PDE1A: variants seen among roughly 807,000 people sequenced by gnomAD.
PDE1A encodes phosphodiesterase 1A.
A neutral mutation model predicts 61.7 loss-of-function variants in PDE1A; 35 were observed. The observed-to-expected ratio is 0.57, with a 90% CI of 0.43 to 0.75. The LOEUF (loss-of-function observed/expected upper bound fraction) is 0.75, where lower values mean the gene tolerates loss of function less well. Among genes scored for constraint, PDE1A ranks in the 30% least tolerant of loss-of-function variants. The pLI is 0.00. For missense variants in PDE1A, 597 were observed against 630.6 expected, an observed-to-expected ratio of 0.95 and a Z score of 0.57; for synonymous variants, 232 against 213.2, an observed-to-expected ratio of 1.09 and a Z score of -0.77.
At chr2:182,685,102 T>A in the PDE1A span, among the ~76,000 whole-genome samples, 1 of 150,230 alleles carries the variant, frequency 6.7e-6, no homozygotes, top group Non-Finnish European at 1.5e-5. Context: ...ATATAACATA[T>A]ACATATATAT....
intron 2 of PDE1A, among the ~76,000 whole-genome samples, chr2:182,437,812 T>G (rs1033847425): frequency 6.6e-6 from 1 of 151,942 alleles, no homozygotes; most frequent in African/African-American, 2.4e-5. Flanking sequence ...CTCTTTTCTT[T>G]TGCTCTGTTT....
In PDE1A at chr2:182,191,247, G is replaced by A. The variant is rs767686763; in HGVS notation, c.1126-2187C>T. ...AGGATGACTCCTTGGCTTCCAGTGC[G>A]AATGGAAAGGAGGAGTCTGTTGATG... On this transcript the variant is annotated intron_variant, in intron 10 of 13. Coordinates refer to ENST00000351439, the Ensembl canonical transcript of PDE1A. 7.2e-5 allele frequency among the ~76,000 whole-genome samples: 11 copies of A among 152,082 alleles called. 1 individual carries two copies. Among genetic ancestry groups the A allele is most frequent in the East Asian group, 1.9e-4 (1 of 5,182 alleles).
At chr2:182,179,947 A>G (rs1167559719) in intron 13 of PDE1A, among the ~76,000 whole-genome samples, 1 of 152,224 alleles carries the variant, frequency 6.6e-6, no homozygotes, top group Non-Finnish European at 1.5e-5. Flanking sequence ...TTAAGGGTTA[A>G]TATGATGATG....
intron 1 of PDE1A, among the ~76,000 whole-genome samples, chr2:182,413,269 C>A (rs1188529954): frequency 6.6e-6 from 1 of 152,088 alleles, no homozygotes; most frequent in Admixed American, 6.6e-5. Flanking sequence ...GTGACATAAC[C>A]ATGACAAAGT....
chr2:182,399,840 T>C (rs1365294318), intron 1 of PDE1A, among the ~76,000 whole-genome samples: 3 of 152,078 alleles, frequency 2.0e-5, no homozygotes, highest in Non-Finnish European at 4.4e-5. Flanking sequence ...TGGCAATCAT[T>C]AAGATTGTTT....
At chr2:182,316,843 G>T (rs1696368236) in intron 1 of PDE1A, among the ~76,000 whole-genome samples, 1 of 152,106 alleles carries the variant, frequency 6.6e-6, no homozygotes, top group South Asian at 2.1e-4. Flanking sequence ...GTCTCATTTG[G>T]ATATGTGTTG....
the PDE1A span, among the ~76,000 whole-genome samples, chr2:182,616,243 G>C: frequency 6.6e-6 from 1 of 152,158 alleles, no homozygotes; most frequent in African/African-American, 2.4e-5. Context: ...TATGGCAAAA[G>C]TTCAACACTA....
At chr2:182,670,021 A>G in the PDE1A span, among the ~76,000 whole-genome samples, 1 of 152,230 alleles carries the variant, frequency 6.6e-6, no homozygotes, top group African/African-American at 2.4e-5. Flanking sequence ...AAAATGCTAT[A>G]TAAACCACAT....
chr2:182,272,415 T>G (rs1693095293), intron 1 of PDE1A, among the ~76,000 whole-genome samples: 1 of 152,194 alleles, frequency 6.6e-6, no homozygotes, highest in Admixed American at 6.5e-5. Context: ...GCAGATGGTC[T>G]TAGGTCTGAC....
intron 10 of PDE1A, among the ~76,000 whole-genome samples, chr2:182,192,459 T>C (rs1432104964): frequency 2.0e-5 from 3 of 152,228 alleles, no homozygotes; most frequent in African/African-American, 7.2e-5. Flanking sequence ...AGGTAAACTA[T>C]GAAGGAACTA....
the PDE1A span, among the ~76,000 whole-genome samples, chr2:182,561,989 A>G: frequency 6.6e-6 from 1 of 151,940 alleles, no homozygotes; most frequent in Non-Finnish European, 1.5e-5. Flanking sequence ...ATATACAATC[A>G]TGTCGTCTGC....
chr2:182,491,287 A>G (rs570800709), intron 2 of PDE1A, among the ~76,000 whole-genome samples: 2 of 152,338 alleles, frequency 1.3e-5, no homozygotes, highest in Non-Finnish European at 2.9e-5. Context: ...TTAACCAGGA[A>G]TAAGATTTTT....
exon 1 of PDE1A, chr2:182,426,754 C>T: frequency 6.6e-7 from 1 of 1,525,130 alleles, no homozygotes; most frequent in Non-Finnish European, 8.8e-7. Context: ...TTTCCTCTTT[C>T]TCTTTTTGGG....
intron 2 of PDE1A, among the ~76,000 whole-genome samples, chr2:182,506,781 T>A (rs2125932829): frequency 6.6e-6 from 1 of 152,336 alleles, no homozygotes; most frequent in East Asian, 1.9e-4. Flanking sequence ...ATGCCCTGTA[T>A]GACCTGTTGT....
At chr2:182,703,444 GGGA>G in the PDE1A span, among the ~76,000 whole-genome samples, 1 of 152,176 alleles carries the variant, frequency 6.6e-6, no homozygotes, top group Non-Finnish European at 1.5e-5. Context: ...ATAAGGGAAA[GGGA>G]GAAGAATCCT....
intron 2 of PDE1A, among the ~76,000 whole-genome samples, chr2:182,482,698 A>G (rs1687779347): frequency 2.0e-5 from 3 of 151,972 alleles, no homozygotes; most frequent in Admixed American, 2.0e-4. Flanking sequence ...CCACTGCCCT[A>G]CTGGGTCAAC....
intron 13 of PDE1A, among the ~76,000 whole-genome samples, chr2:182,169,589 G>T (rs1157770420): frequency 6.6e-6 from 1 of 152,012 alleles, no homozygotes; most frequent in Non-Finnish European, 1.5e-5. Context: ...GAAGAGGATT[G>T]GTGGAGTCTT....
chr2:182,401,305 T>C (rs1019421380), intron 1 of PDE1A, among the ~76,000 whole-genome samples: 3 of 152,074 alleles, frequency 2.0e-5, no homozygotes, highest in African/African-American at 4.8e-5. Context: ...CCAGCAGACG[T>C]CAAAAAGCTT....
At chr2:182,446,232 G>C (rs1283792912) in intron 2 of PDE1A, among the ~76,000 whole-genome samples, 1 of 152,070 alleles carries the variant, frequency 6.6e-6, no homozygotes, top group African/African-American at 2.4e-5. Context: ...TGAAAAGCAT[G>C]CATAATTACC....
Sources: allele counts gnomAD v4.1 joint callset (sites outside exome capture counted in the v4.1 genomes callset), GRCh38; gene constraint gnomAD v4.1.1; transcripts MANE v1.5; gene names NCBI Gene and HGNC (gene_info 2026-07-23, HGNC 2026-07-21).